NRCAM: variants seen among roughly 807,000 people sequenced by gnomAD.
The protein encoded by NRCAM is NgCAM-related cell adhesion molecule.
In NRCAM, 83 loss-of-function variants were observed where a neutral mutation model predicts 156.5. The ratio of observed to expected loss-of-function variants is 0.53; its 90% confidence interval spans 0.44 to 0.64. NRCAM has a LOEUF of 0.64. Ranked by LOEUF, NRCAM falls within the 30% of genes least tolerant of loss-of-function variation. The pLI is 0.00. For synonymous variants in NRCAM, 538 were observed against 563.9 expected (o/e 0.95, Z 0.65); for missense variants, 1,417 against 1,597.3 (o/e 0.89, Z 1.92).
intron 5 of NRCAM, among the ~76,000 whole-genome samples, chr7:108,236,396 T>A (rs1045545492): frequency 1.3e-5 from 2 of 152,000 alleles, no homozygotes; most frequent in African/African-American, 4.8e-5. Context: ...GAATATCCCA[T>A]CCCCCTCCTT....
intron 3 of NRCAM, among the ~76,000 whole-genome samples, chr7:108,263,856 C>T (rs1315718732): frequency 6.6e-6 from 1 of 152,178 alleles, no homozygotes; most frequent in Non-Finnish European, 1.5e-5. Context: ...CTTCATTTAC[C>T]CTATTATACA....
chr7:108,201,301 G>A (rs893515494), intron 13 of NRCAM, among the ~76,000 whole-genome samples: 10 of 152,124 alleles, frequency 6.6e-5, no homozygotes, highest in Non-Finnish European at 7.4e-5. Flanking sequence ...CATCTCTGTG[G>A]ATGTTCCAGG....
chr7:108,249,241 A>C (rs1006279089), intron 3 of NRCAM, among the ~76,000 whole-genome samples: 3 of 152,216 alleles, frequency 2.0e-5, no homozygotes, highest in Non-Finnish European at 4.4e-5. Context: ...CGGAACCAAG[A>C]AAATGAGAAA....
chr7:108,187,495 G>T (rs74425037), intron 20 of NRCAM, among the ~76,000 whole-genome samples: 1 of 152,060 alleles, frequency 6.6e-6, no homozygotes, highest in African/African-American at 2.4e-5. Context: ...TTTTAGTGTG[G>T]CCTTTCCTAT....
intron 28 of NRCAM, among the ~76,000 whole-genome samples, chr7:108,168,840 A>G (rs932359094): frequency 1.3e-4 from 20 of 152,198 alleles, no homozygotes; most frequent in Admixed American, 1.2e-3. Context: ...TGTCATCTCA[A>G]TGCAGGTCTT....
chr7:108,445,153 C>A (rs1842885317), intron 1 of NRCAM, among the ~76,000 whole-genome samples: 1 of 152,112 alleles, frequency 6.6e-6, no homozygotes, highest in Non-Finnish European at 1.5e-5. Context: ...CTGTCCTTTT[C>A]AAAAATATGA....
intron 3 of NRCAM, among the ~76,000 whole-genome samples, chr7:108,250,425 C>CAAA (rs34274206): frequency 0.011 from 712 of 67,220 alleles, 14 homozygotes; most frequent in African/African-American, 0.028. Flanking sequence ...CATCTTACCT[C>CAAA]AAAAAAAAAA....
At chr7:108,362,560 A>C (rs1182873776) in intron 2 of NRCAM, among the ~76,000 whole-genome samples, 1 of 152,232 alleles carries the variant, frequency 6.6e-6, no homozygotes, top group African/African-American at 2.4e-5. Flanking sequence ...AGAAATATGG[A>C]CTAACAATTC....
At chr7:108,215,474 C>A (rs1406368392) in intron 11 of NRCAM, among the ~76,000 whole-genome samples, 1 of 151,966 alleles carries the variant, frequency 6.6e-6, no homozygotes, top group Non-Finnish European at 1.5e-5. Context: ...CTCAGCCTCC[C>A]AAAGTGCTGG....
At chr7:108,162,421 C>A (rs1226289887) in intron 30 of NRCAM, among the ~76,000 whole-genome samples, 1 of 152,208 alleles carries the variant, frequency 6.6e-6, no homozygotes, top group African/African-American at 2.4e-5. Flanking sequence ...GGCATTAAGT[C>A]TCTTAAGCAT....
chr7:108,277,698 G>C (rs1213640890), intron 3 of NRCAM, among the ~76,000 whole-genome samples: 3 of 151,970 alleles, frequency 2.0e-5, no homozygotes, highest in African/African-American at 7.3e-5. Flanking sequence ...CTTTAGCTCG[G>C]AGAAGTGTGT....
rs560675689 is a variant in NRCAM, at chr7:108,365,151, T to A, written c.-174+34285A>T. On this transcript the variant is annotated intron_variant, in intron 2 of 32. Transcript: ENST00000379028. The stretch of plus-strand genomic sequence containing the variant: ...AATTTAGCATTTAACATATATATAT[T>A]TTTAGCATTTAATATACATTATTTT... 5.3e-5 allele frequency among the ~76,000 whole-genome samples: 8 copies of A among 152,262 alleles called. No individual in the cohort carries two copies. The South Asian group carries it at 1.7e-3, about 32-fold the overall frequency.
intron 2 of NRCAM, among the ~76,000 whole-genome samples, chr7:108,356,174 C>G (rs1194293807): frequency 6.6e-6 from 1 of 152,176 alleles, no homozygotes; most frequent in African/African-American, 2.4e-5. Flanking sequence ...GTCTCGAACT[C>G]CTGACCTCGT....
At chr7:108,432,289 G>A (rs1263429429) in intron 1 of NRCAM, among the ~76,000 whole-genome samples, 1 of 152,158 alleles carries the variant, frequency 6.6e-6, no homozygotes, top group African/African-American at 2.4e-5. Context: ...GCAATTAATG[G>A]CTATTTCCAC....
At chr7:108,274,051 T>C (rs1418525702) in intron 3 of NRCAM, among the ~76,000 whole-genome samples, 1 of 152,172 alleles carries the variant, frequency 6.6e-6, no homozygotes, top group Non-Finnish European at 1.5e-5. Flanking sequence ...TAGATGGTGG[T>C]AGATGTGTGG....
At chr7:108,347,032 G>GTTTTTTTTTTTTTTTT (rs754160030) in intron 2 of NRCAM, among the ~76,000 whole-genome samples, 3 of 83,052 alleles carry the variant, frequency 3.6e-5, no homozygotes, top group African/African-American at 4.8e-5. Flanking sequence ...TTATATTTCT[G>GTTTTTTTTTTTTTTTT]TTTTTTTTTT....
chr7:108,394,169 G>A (rs2099770356), intron 2 of NRCAM, among the ~76,000 whole-genome samples: 1 of 152,206 alleles, frequency 6.6e-6, no homozygotes, highest in African/African-American at 2.4e-5. Flanking sequence ...AGGCAGCTCT[G>A]ATTAGCTGAA....
intron 32 of NRCAM, among the ~76,000 whole-genome samples, chr7:108,153,740 G>C (rs1563161466): frequency 6.6e-6 from 1 of 152,078 alleles, no homozygotes; most frequent in Non-Finnish European, 1.5e-5. Context: ...TAATAATGTT[G>C]CTTGATACAA....
chr7:108,401,519 C>G (rs1257603623), intron 1 of NRCAM, among the ~76,000 whole-genome samples: 1 of 152,082 alleles, frequency 6.6e-6, no homozygotes, highest in Non-Finnish European at 1.5e-5. Flanking sequence ...GCAGCCTGGG[C>G]AACAGAGGAA....
Sources: gnomAD v4.1 joint callset for allele counts (sites outside exome capture counted in the v4.1 genomes callset) on GRCh38, gnomAD v4.1.1 for gene constraint, MANE v1.5 for transcripts, NCBI Gene and HGNC (gene_info 2026-07-23, HGNC 2026-07-21) for gene names.